Variants in CHP1 observed in about 807,000 individuals in gnomAD.
CHP1 encodes calcineurin B homologous protein 1.
A neutral mutation model predicts 27.4 loss-of-function variants in CHP1; 11 were observed. That is an observed-to-expected ratio of 0.40 (90% CI 0.25 to 0.67). The LOEUF (loss-of-function observed/expected upper bound fraction) is 0.67. Ranked by LOEUF, CHP1 falls within the 30% of genes least tolerant of loss-of-function variation. The probability of loss-of-function intolerance (pLI) is 0.38; values close to 1 mark genes in which losing one functional copy is unlikely to be tolerated. For synonymous variants in CHP1, 89 were observed against 87.4 expected (o/e 1.02, Z -0.10); for missense variants, 169 against 251.3 (o/e 0.67, Z 2.22).
chr15:41,263,664 C>T (rs1030431947), intron 4 of CHP1, among the ~76,000 whole-genome samples: 8 of 152,178 alleles, frequency 5.3e-5, no homozygotes, highest in Admixed American at 3.3e-4. Flanking sequence ...CACTTGAGCC[C>T]AGGAGTTTGA....
At chr15:41,234,147 T>C (rs1255316395) in intron 1 of CHP1, 1 of 152,086 alleles carries the variant, frequency 6.6e-6, no homozygotes, top group East Asian at 1.9e-4. Context: ...AGAGATGGAG[T>C]CTTGTTATTT....
chr15:41,262,055 G>C (rs1434885710), intron 3 of CHP1, among the ~76,000 whole-genome samples: 1 of 151,192 alleles, frequency 6.6e-6, no homozygotes, highest in African/African-American at 2.4e-5. Context: ...TGTAGTTCCA[G>C]CTAGTCAGGA....
chr15:41,264,098 T>C (rs1275744807), intron 4 of CHP1: 1 of 797,946 alleles, frequency 1.3e-6, no homozygotes, highest in Non-Finnish European at 1.8e-6. Flanking sequence ...TATCCTAAAG[T>C]ATTATGGTCA....
At chr15:41,260,401 T>A (rs1234070578) in intron 3 of CHP1, among the ~76,000 whole-genome samples, 1 of 150,846 alleles carries the variant, frequency 6.6e-6, no homozygotes, top group East Asian at 1.9e-4. Context: ...AAACTTTTTT[T>A]TTTTTTTTTT....
chr15:41,270,634 C>T lies in CHP1; in HGVS notation c.411+16C>T, dbSNP rs769018870. On this transcript the variant is annotated intron_variant, in intron 5 of 6. Coordinates refer to ENST00000334660, the MANE Select transcript of CHP1 (RefSeq NM_007236.5). ...GCTGTTACAGGTATGTGGAGAGCTCCTCGAGAACTTGTGCTTGGACTCTGC... is the reference window on the plus strand; with the variant it reads ...GCTGTTACAGGTATGTGGAGAGCTCTTCGAGAACTTGTGCTTGGACTCTGC... The T allele has an allele frequency of 2.5e-6, 4 of 1,603,598 alleles. No individual in the cohort carries two copies. The highest frequency in any genetic ancestry group is 2.2e-5 in the South Asian group (2 of 90,840).
chr15:41,247,950 C>T (rs2047344410), intron 2 of CHP1, among the ~76,000 whole-genome samples: 1 of 151,794 alleles, frequency 6.6e-6, no homozygotes, highest in East Asian at 1.9e-4. Flanking sequence ...GCCTGGGCGA[C>T]AGAGCAAGAC....
chr15:41,264,522 T>G (rs1174725796), intron 4 of CHP1, among the ~76,000 whole-genome samples: 1 of 152,224 alleles, frequency 6.6e-6, no homozygotes, highest in African/African-American at 2.4e-5. Flanking sequence ...CACTATGGCC[T>G]TGACTTTCCT....
intron 1 of CHP1, among the ~76,000 whole-genome samples, chr15:41,240,234 T>C (rs188997697): frequency 2.6e-5 from 4 of 152,288 alleles, no homozygotes; most frequent in African/African-American, 7.2e-5. Context: ...CCTCAAATCA[T>C]TGTCCTGCTT....
At position 41,231,285 on chromosome 15, in the gene CHP1, C is replaced by T. The variant is rs1173721018; in HGVS notation, c.-98C>T. On this transcript the variant is annotated 5_prime_UTR_variant, in exon 1 of 7. Transcript: ENST00000334660. ...GGGTCCGCAGTGGAAACACTGCCCT[C>T]TCCCTTCTTGACCCCTAGCCCTTCC... The T allele has an allele frequency of 5.7e-6, 7 of 1,222,372 alleles. No individual in the cohort carries two copies. The Admixed American group carries it at 6.0e-5, about 11-fold the overall frequency. 75.7% of individuals were successfully genotyped at this position (1,222,372 alleles called of 1,614,324 possible).
At chr15:41,255,075 A>G (rs556794504) in intron 2 of CHP1, among the ~76,000 whole-genome samples, 2 of 152,338 alleles carry the variant, frequency 1.3e-5, no homozygotes, top group African/African-American at 4.8e-5. Flanking sequence ...CTCAGATCAA[A>G]ATCAAGAAAG....
chr15:41,231,351 C>T lies in CHP1; in HGVS notation c.-32C>T. On this transcript the variant is annotated 5_prime_UTR_variant, in exon 1 of 7. Transcript: ENST00000334660. ...CCTCCTGTCGCCGTCTCTTCTGGCGCCGCTGCTCCCGGAGGAGCTCCCGGC... is the reference window on the plus strand; with the variant it reads ...CCTCCTGTCGCCGTCTCTTCTGGCGTCGCTGCTCCCGGAGGAGCTCCCGGC... 2 of 1,576,978 alleles carry T rather than the reference C, an allele frequency of 1.3e-6. No individual in the cohort carries two copies. Among genetic ancestry groups the T allele is most frequent in the East Asian group, 4.6e-5 (2 of 43,526 alleles).
At chr15:41,266,336 C>T (rs1417257954) in intron 4 of CHP1, among the ~76,000 whole-genome samples, 2 of 151,494 alleles carry the variant, frequency 1.3e-5, no homozygotes, top group Admixed American at 6.6e-5. Flanking sequence ...AAGGTACAAC[C>T]CTATCTACAG....
intron 6 of CHP1, 79 bp from the exon 7 acceptor site, chr15:41,279,257 G>C (rs1440486288): frequency 1.7e-6 from 2 of 1,182,860 alleles, no homozygotes; most frequent in South Asian, 1.3e-5. Flanking sequence ...AGGAAGGGGG[G>C]AAAACATTAC....
intron 5 of CHP1, chr15:41,272,127 A>T (rs1193878463): frequency 6.6e-6 from 1 of 151,992 alleles, no homozygotes; most frequent in African/African-American, 2.4e-5. Flanking sequence ...CATATGTTAA[A>T]CCTTATCCAA....
chr15:41,273,174 A>G (rs748881769), intron 5 of CHP1, among the ~76,000 whole-genome samples: 1 of 152,020 alleles, frequency 6.6e-6, no homozygotes, highest in African/African-American at 2.4e-5. Context: ...TAATATATAT[A>G]TATTTAAAGC....
At chr15:41,268,402 T>C (rs2047472406) in intron 4 of CHP1, among the ~76,000 whole-genome samples, 2 of 152,004 alleles carry the variant, frequency 1.3e-5, no homozygotes, top group Middle Eastern at 3.2e-3. Flanking sequence ...ATCCCAGGGC[T>C]TTGGCAGGCT....
In CHP1 at chr15:41,279,449, T is replaced by G; in HGVS notation, c.*60T>G. ...AAGAACTGGAACTTGAAAGTCCTCC[T>G]TCTACCAACTCCACCTCCACCCCCT... On this transcript the variant is annotated 3_prime_UTR_variant, in exon 7 of 7. Coordinates refer to ENST00000334660, the MANE Select transcript of CHP1 (RefSeq NM_007236.5). 3.6e-6 allele frequency: 5 copies of G among 1,392,258 alleles called. No individual in the cohort carries two copies. The highest frequency in any genetic ancestry group is 1.2e-5 in the South Asian group (1 of 85,698). 86.2% of individuals were successfully genotyped at this position (1,392,258 alleles called of 1,614,324 possible).
At chr15:41,273,455 C>T (rs2047501376) in intron 5 of CHP1, among the ~76,000 whole-genome samples, 1 of 152,002 alleles carries the variant, frequency 6.6e-6, no homozygotes. Context: ...GATCTCAGCT[C>T]ACTGTAACAT....
chr15:41,278,911 T>C, intron 6 of CHP1, 22 bp downstream of exon 6: 1 of 1,613,584 alleles, frequency 6.2e-7, no homozygotes, highest in Non-Finnish European at 8.5e-7. Flanking sequence ...ACTTCTTGTT[T>C]GAAAAAGTTA....
Sources: allele counts gnomAD v4.1 joint callset (sites outside exome capture counted in the v4.1 genomes callset), GRCh38; gene constraint gnomAD v4.1.1; transcripts MANE v1.5; gene names NCBI Gene and HGNC (gene_info 2026-07-23, HGNC 2026-07-21).